Variants in CALHM5 observed in about 807,000 individuals in gnomAD.
The protein encoded by CALHM5 is calcium homeostasis modulator protein 5.
Under a neutral mutation model 20.9 loss-of-function variants are expected in CALHM5, and 17 were observed. That is an observed-to-expected ratio of 0.82 (90% CI 0.56 to 1.22). The LOEUF is 1.22. Among genes scored for constraint, CALHM5 ranks in the 50% most tolerant of loss-of-function variants. The pLI is 0.00. For synonymous variants in CALHM5, 148 were observed against 140.0 expected, an observed-to-expected ratio of 1.06 and a Z score of -0.40; for missense variants, 360 against 364.6, an observed-to-expected ratio of 0.99 and a Z score of 0.10.
rs1772213579 is a variant in CALHM5 at position 116,515,835 on chromosome 6, T to C, written c.776T>C (p.Phe259Ser). The change falls in exon 2 of 2, where the codon TTT becomes TCT. Residue 259 changes from phenylalanine (F) to serine (S), a missense_variant. Coordinates refer to ENST00000368599, the MANE Select transcript of CALHM5 (RefSeq NM_153711.5). ...KRPDPFPMPTFAAWEAASELH... is the reference protein window; with the variant it reads ...KRPDPFPMPTSAAWEAASELH... ...CCAGATCCTTTTCCCATGCCTACGT[T>C]TGCTGCCTGGGAGGCTGCTTCAGAG... 6.2e-7 allele frequency: 1 copy of C among 1,613,958 alleles called. No individual in the cohort carries two copies. Among genetic ancestry groups the C allele is most frequent in the Non-Finnish European group, 8.5e-7 (1 of 1,179,918 alleles).
rs772373140 is a variant in CALHM5, at chr6:116,512,058, A to G, written c.362A>G (p.Asn121Ser). ...ATGTGGCTTTCTGTGGCTCTGCTCA[A>G]TGGAACTTTCTATGAATGTGCCATG... ...PVMWLSVALL[N>S]GTFYECAMSG... Residue 121 changes from asparagine to serine, a missense_variant, in exon 1 of 2, where the codon AAT becomes AGT. Physicochemically the swap from Asn to Ser is conservative, Grantham distance 46 (BLOSUM62 1). Transcript: ENST00000368599. The G allele has an allele frequency of 5.6e-6, 9 of 1,613,934 alleles. No individual in the cohort carries two copies. The highest frequency in any genetic ancestry group is 2.7e-5 in the African/African-American group (2 of 74,924).
Position 116,521,243 on chromosome 6 carries a change from G to A in CALHM5, c.*5254G>A, listed in dbSNP as rs1339705378. ...GTGTGTGTATATATATATGAAAGAG[G>A]ATTTATTGTGGAAATTGGCTCATGT... On this transcript the variant is annotated 3_prime_UTR_variant, in exon 2 of 2. Coordinates refer to ENST00000368599, the MANE Select transcript of CALHM5 (RefSeq NM_153711.5). The A allele has an allele frequency of 6.6e-6, 1 of 151,924 alleles. No individual in the cohort carries two copies. The highest frequency in any genetic ancestry group is 1.5e-5 in the Non-Finnish European group (1 of 68,000). 9.4% of individuals were successfully genotyped at this position (151,924 alleles called of 1,614,324 possible).
Position 116,512,200 on chromosome 6 carries a change from T to C in CALHM5, c.504T>C (p.Asn168=). The C allele has an allele frequency of 1.2e-6, 2 of 1,606,128 alleles. No homozygotes were observed. The highest frequency in any genetic ancestry group is 1.7e-6 in the Non-Finnish European group (2 of 1,179,542). Residue 168 remains asparagine (N), a synonymous_variant, in exon 1 of 2, where the codon AAT becomes AAC. Transcript: ENST00000368599. The part of the protein sequence containing the change: ...CGKTSMLPTV[N]EELKLSLQAQ... ...AAACTAGCATGCTACCTACCGTCAA[T>C]GAAGAACTGAAACTCTCCCTTCAGG... is the stretch of plus-strand genomic sequence containing the variant.
Position 116,519,784 on chromosome 6 carries a change from A to G in CALHM5, c.*3795A>G, listed in dbSNP as rs1772296351. 6.6e-6 allele frequency: 1 copy of G among 152,216 alleles called. No homozygotes were observed. Among genetic ancestry groups the G allele is most frequent in the Non-Finnish European group, 1.5e-5 (1 of 68,032 alleles). 9.4% of individuals were successfully genotyped at this position (152,216 alleles called of 1,614,324 possible). A position where few individuals can be genotyped will look rare whatever the true frequency, so the allele number is the denominator to read the frequency against. On this transcript the variant is annotated 3_prime_UTR_variant, in exon 2 of 2. Coordinates refer to ENST00000368599, the MANE Select transcript of CALHM5 (RefSeq NM_153711.5). Reference sequence around the variant, plus strand: ...TACTCAAGGAAAAATTTCATGGCACAAAATGCTGATTCTGTCCAATTTATC... The same window carrying G: ...TACTCAAGGAAAAATTTCATGGCACGAAATGCTGATTCTGTCCAATTTATC...
rs146777192 is a variant in CALHM5, at chr6:116,513,923, C to T, written c.541-1677C>T. Among the ~76,000 whole-genome samples the T allele has an allele frequency of 3.2e-3, 491 of 152,232 alleles. 12 individuals carry two copies. The highest frequency in any genetic ancestry group is 0.022 in the Admixed American group (341 of 15,280). On this transcript the variant is annotated intron_variant, in intron 1 of 1. Coordinates refer to ENST00000368599, the MANE Select transcript of CALHM5 (RefSeq NM_153711.5). Reference sequence around the variant, plus strand: ...GCTATGTGACCTAGAACTAGTGGTTCGACCTCTTTGAGTCCCAGTTTTCTC... The same window carrying T: ...GCTATGTGACCTAGAACTAGTGGTTTGACCTCTTTGAGTCCCAGTTTTCTC...
rs183843149 is a variant in CALHM5, at chr6:116,521,463, C to T, written c.*5474C>T. 6.6e-6 allele frequency: 1 copy of T among 151,536 alleles called. No individual in the cohort carries two copies. The allele number at this position is 151,536 out of a possible 1,614,324, so 9.4% of individuals were successfully genotyped here. On this transcript the variant is annotated 3_prime_UTR_variant, in exon 2 of 2. Coordinates refer to ENST00000368599, the MANE Select transcript of CALHM5 (RefSeq NM_153711.5). ...AATAGATAAGGAGAATATTGGTGACCCAACTCCAGGAGACAGAGAAAAGAT... is the reference window on the plus strand; with the variant it reads ...AATAGATAAGGAGAATATTGGTGACTCAACTCCAGGAGACAGAGAAAAGAT...
intron 1 of CALHM5, among the ~76,000 whole-genome samples, chr6:116,514,867 A>T (rs1772191723): frequency 6.6e-6 from 1 of 152,254 alleles, no homozygotes. Context: ...AAAAGATGTT[A>T]GTTTTCCAAA....
In CALHM5 at chr6:116,511,966, A is replaced by T; in HGVS notation, c.270A>T (p.Arg90Ser). Residue 90 changes from arginine to serine, a missense_variant, in exon 1 of 2, where the codon AGA becomes AGT. Arg to Ser is a moderately radical substitution (Grantham distance 110). Coordinates refer to ENST00000368599, the MANE Select transcript of CALHM5 (RefSeq NM_153711.5). ...TGAATCCCAGGAAAATCTTTCCCAGAGGCCACAGCTGCCGTTTCTTCTACG... is the reference window on the plus strand; with the variant it reads ...TGAATCCCAGGAAAATCTTTCCCAGTGGCCACAGCTGCCGTTTCTTCTACG... ...CCVNPRKIFP[R>S]GHSCRFFYVL... 17 of 1,613,992 alleles carry T rather than the reference A, an allele frequency of 1.1e-5. No individual in the cohort carries two copies. Among genetic ancestry groups the T allele is most frequent in the Non-Finnish European group, 8.5e-6 (10 of 1,179,996 alleles).
At position 116,517,855 on chromosome 6, in the gene CALHM5, C is replaced by A. The variant is rs192814234; in HGVS notation, c.*1866C>A. The A allele has an allele frequency of 6.6e-6, 1 of 152,058 alleles. No homozygotes were observed. Among genetic ancestry groups the A allele is most frequent in the Admixed American group, 6.6e-5 (1 of 15,254 alleles). 9.4% of individuals were successfully genotyped at this position (152,058 alleles called of 1,614,324 possible). A position where few individuals can be genotyped will look rare whatever the true frequency, so the allele number is the denominator to read the frequency against. Reference sequence around the variant, plus strand: ...AAGGAAGAGGGGCTGAAGGTTGAGTCGATCACAAATGGATAATGATTTAAT... The same window carrying A: ...AAGGAAGAGGGGCTGAAGGTTGAGTAGATCACAAATGGATAATGATTTAAT... On this transcript the variant is annotated 3_prime_UTR_variant, in exon 2 of 2. Coordinates refer to ENST00000368599, the MANE Select transcript of CALHM5 (RefSeq NM_153711.5).
At position 116,523,548 on chromosome 6, in the gene CALHM5, C is replaced by T. The variant is rs1772384654; in HGVS notation, c.*7559C>T. The T allele has an allele frequency of 6.6e-6, 1 of 152,020 alleles. No homozygotes were observed. Among genetic ancestry groups the T allele is most frequent in the Non-Finnish European group, 1.5e-5 (1 of 67,990 alleles). 9.4% of individuals were successfully genotyped at this position (152,020 alleles called of 1,614,324 possible). On this transcript the variant is annotated 3_prime_UTR_variant, in exon 2 of 2. Transcript: ENST00000368599. ...CCTTTGATGACAAAATGGATCTAGA[C>T]AATAAATAATGAATTCTAAACTATT...
chr6:116,522,586 A>C lies in CALHM5; in HGVS notation c.*6597A>C, dbSNP rs1369833962. ...GTAGGTCTCTAAAATCTCTCCACCA[A>C]AGCTGGAGATTCACTTTCAATTATT... On this transcript the variant is annotated 3_prime_UTR_variant, in exon 2 of 2. Transcript: ENST00000368599. The C allele has an allele frequency of 1.3e-5, 2 of 152,180 alleles. No homozygotes were observed. Among genetic ancestry groups the C allele is most frequent in the Non-Finnish European group, 2.9e-5 (2 of 68,032 alleles). 9.4% of individuals were successfully genotyped at this position (152,180 alleles called of 1,614,324 possible).
At position 116,518,185 on chromosome 6, in the gene CALHM5, G is replaced by A. The variant is rs1337559838; in HGVS notation, c.*2196G>A. On this transcript the variant is annotated 3_prime_UTR_variant, in exon 2 of 2. Transcript: ENST00000368599. ...TAGCCACGTCAGATAGAAGATGTGA[G>A]TAACTTTGGAACCTACTGCTTGTGA... 2 of 152,216 alleles carry A rather than the reference G, an allele frequency of 1.3e-5. No homozygotes were observed. The highest frequency in any genetic ancestry group is 2.9e-5 in the Non-Finnish European group (2 of 68,060). The allele number at this position is 152,216 out of a possible 1,614,324, so 9.4% of individuals were successfully genotyped here.
Sources: allele counts gnomAD v4.1 joint callset (sites outside exome capture counted in the v4.1 genomes callset), GRCh38; gene constraint gnomAD v4.1.1; transcripts MANE v1.5; gene names NCBI Gene and HGNC (gene_info 2026-07-23, HGNC 2026-07-21).